ZPLD1: variants seen among roughly 807,000 people sequenced by gnomAD.
ZPLD1 encodes the protein zona pellucida like domain containing 1.
In ZPLD1, 34 loss-of-function variants were observed where a neutral mutation model predicts 47.2. The ratio of observed to expected loss-of-function variants is 0.72; its 90% CI spans 0.55 to 0.96. The LOEUF (loss-of-function observed/expected upper bound fraction) is 0.96. Among genes scored for constraint, ZPLD1 ranks in the 40% least tolerant of loss-of-function variants. The pLI is 0.00. For synonymous variants in ZPLD1, 176 were observed against 186.2 expected (o/e 0.95, Z 0.45); for missense variants, 512 against 505.8 (o/e 1.01, Z -0.12).
At chr3:102,473,779 A>G (rs1707718920) in intron 10 of ZPLD1, among the ~76,000 whole-genome samples, 1 of 152,154 alleles carries the variant, frequency 6.6e-6, no homozygotes, top group Admixed American at 6.5e-5. Context: ...CCACATGCAA[A>G]TCCTGTGCAA....
intron 7 of ZPLD1, among the ~76,000 whole-genome samples, chr3:102,402,971 C>A (rs964583768): frequency 1.3e-5 from 2 of 151,932 alleles, no homozygotes; most frequent in Non-Finnish European, 2.9e-5. Context: ...TACCCCTATG[C>A]ACCCATCATC....
At chr3:102,393,531 T>C (rs1177550732) in intron 7 of ZPLD1, among the ~76,000 whole-genome samples, 1 of 152,036 alleles carries the variant, frequency 6.6e-6, no homozygotes, top group Non-Finnish European at 1.5e-5. Context: ...TGCTTACTTG[T>C]CAGTGAATTG....
intron 6 of ZPLD1, among the ~76,000 whole-genome samples, chr3:102,458,377 C>T (rs991679961): frequency 2.0e-5 from 3 of 151,994 alleles, no homozygotes; most frequent in Non-Finnish European, 4.4e-5. Context: ...ATGTAAATAT[C>T]GACATTGGCA....
chr3:102,467,029 A>C (rs1707605328), intron 8 of ZPLD1, among the ~76,000 whole-genome samples: 2 of 152,120 alleles, frequency 1.3e-5, no homozygotes, highest in Non-Finnish European at 2.9e-5. Context: ...AAATATAAAA[A>C]GACATAGAAA....
intron 7 of ZPLD1, among the ~76,000 whole-genome samples, chr3:102,402,062 C>A (rs1470816241): frequency 3.3e-5 from 5 of 151,968 alleles, no homozygotes; most frequent in African/African-American, 1.2e-4. Flanking sequence ...GACCAATAGT[C>A]CTTTCTATAA....
chr3:102,415,228 A>G (rs952313951), intron 7 of ZPLD1, among the ~76,000 whole-genome samples: 2 of 151,870 alleles, frequency 1.3e-5, no homozygotes, highest in Non-Finnish European at 2.9e-5. Context: ...TGAAAAGCCT[A>G]TAGCTCTCCT....
chr3:102,457,772 G>A lies in ZPLD1; in HGVS notation c.510-9G>A. On this transcript the variant is annotated splice_polypyrimidine_tract_variant and intron_variant, in intron 5 of 11. Coordinates refer to ENST00000466937, the MANE Select transcript of ZPLD1 (RefSeq NM_001329788.2). The stretch of plus-strand genomic sequence containing the variant: ...CATCAGTGCTTTCCTTTTTCTAAAT[G>A]TGTTTTAGGTCCTCAGCGGCTATTT... The A allele has an allele frequency of 6.2e-7, 1 of 1,613,456 alleles. No homozygotes were observed. The highest frequency in any genetic ancestry group is 8.5e-7 in the Non-Finnish European group (1 of 1,179,640).
At chr3:102,474,424 G>A (rs200628319) in intron 10 of ZPLD1, among the ~76,000 whole-genome samples, 12 of 152,212 alleles carry the variant, frequency 7.9e-5, no homozygotes, top group East Asian at 1.9e-4. Flanking sequence ...ACTGGCACTC[G>A]TCTAGGAACT....
intron 7 of ZPLD1, among the ~76,000 whole-genome samples, chr3:102,398,072 T>C (rs1048416107): frequency 6.6e-6 from 1 of 152,066 alleles, no homozygotes; most frequent in African/African-American, 2.4e-5. Context: ...TATATACATA[T>C]AGATTCAGCA....
chr3:102,459,713 G>C (rs1023751204), intron 6 of ZPLD1, among the ~76,000 whole-genome samples: 2 of 151,998 alleles, frequency 1.3e-5, no homozygotes, highest in Admixed American at 6.6e-5. Context: ...GTTTTAGTTT[G>C]GCAGAAAAGT....
intron 3 of ZPLD1, among the ~76,000 whole-genome samples, chr3:102,439,492 G>A (rs758591094): frequency 2.0e-5 from 3 of 152,106 alleles, no homozygotes; most frequent in East Asian, 1.9e-4. Flanking sequence ...TGAAGGTCAC[G>A]GTGGGAATGA....
At chr3:102,390,985 C>G (rs1043465532) in intron 6 of ZPLD1, among the ~76,000 whole-genome samples, 13 of 151,960 alleles carry the variant, frequency 8.6e-5, no homozygotes, top group African/African-American at 3.1e-4. Context: ...AAGTTATAGA[C>G]TAAGTAAATT....
At position 102,479,370 on chromosome 3, in the gene ZPLD1, C is replaced by T. The variant is rs543390418; in HGVS notation, c.*1752C>T. On this transcript the variant is annotated 3_prime_UTR_variant, in exon 12 of 12. Coordinates refer to ENST00000466937, the MANE Select transcript of ZPLD1 (RefSeq NM_001329788.2). ...TATGCTGGTAAATCTATTTCAGATA[C>T]TTTAAGTGAATTGCCATTGATTCTA... The T allele has an allele frequency of 3.9e-5, 6 of 152,258 alleles. 1 individual carries two copies. In the East Asian group the frequency reaches 1.2e-3, roughly 29 times the overall value. 9.4% of individuals were successfully genotyped at this position (152,258 alleles called of 1,614,324 possible).
intron 3 of ZPLD1, among the ~76,000 whole-genome samples, 172 bp from the exon 4 acceptor site, chr3:102,452,747 T>C (rs182979924): frequency 6.6e-6 from 1 of 152,078 alleles, no homozygotes; most frequent in East Asian, 1.9e-4. Context: ...AATAAAAGGC[T>C]ATTTTTCTTG....
intron 6 of ZPLD1, among the ~76,000 whole-genome samples, chr3:102,388,767 A>G (rs1240788470): frequency 2.0e-5 from 3 of 152,334 alleles, no homozygotes; most frequent in Middle Eastern, 3.4e-3. Context: ...GCATGTGACT[A>G]TTACAACTGT....
chr3:102,470,491 T>C lies in ZPLD1; in HGVS notation c.1031T>C (p.Ile344Thr), dbSNP rs1287733792. ...GSAVLSAGPI[I>T]TRSDETPTNN... ...GCGGTGCTCTCTGCTGGTCCCATCA[T>C]TACTCGGAGTGGTAAGTGTGCTCCT... The change falls in exon 10 of 12, where the codon ATT becomes ACT. Residue 344 changes from isoleucine (I) to threonine (T), a missense_variant. By Grantham distance (89) the Ile-to-Thr change is moderately conservative. Transcript: ENST00000466937. The C allele has an allele frequency of 6.2e-7, 1 of 1,613,866 alleles. No homozygotes were observed. The highest frequency in any genetic ancestry group is 2.2e-5 in the East Asian group (1 of 44,886).
intron 7 of ZPLD1, among the ~76,000 whole-genome samples, chr3:102,405,514 C>T (rs1706672077): frequency 6.6e-6 from 1 of 151,940 alleles, no homozygotes; most frequent in African/African-American, 2.4e-5. Context: ...GTATAAGGAA[C>T]AAGAACCTAA....
chr3:102,434,993 G>A, upstream of ZPLD1: 1 of 1,091,120 alleles, frequency 9.2e-7, no homozygotes, highest in Non-Finnish European at 1.4e-6. Flanking sequence ...GAGCAGCCAG[G>A]ATGATATGTT....
chr3:102,417,882 G>A (rs1706827507), intron 7 of ZPLD1, among the ~76,000 whole-genome samples: 1 of 151,302 alleles, frequency 6.6e-6, no homozygotes, highest in African/African-American at 2.4e-5. Flanking sequence ...AACGCAGGTA[G>A]GGGAAAAAAA....
Sources: gnomAD v4.1 joint callset for allele counts (sites outside exome capture counted in the v4.1 genomes callset) on GRCh38, gnomAD v4.1.1 for gene constraint, MANE v1.5 for transcripts, NCBI Gene and HGNC (gene_info 2026-07-23, HGNC 2026-07-21) for gene names.